CEP78: variants seen among roughly 807,000 people sequenced by gnomAD.
CEP78 encodes centrosomal protein of 78 kDa.
Under a neutral mutation model 81.2 loss-of-function variants are expected in CEP78, and 76 were observed. That is an observed-to-expected ratio of 0.94 (90% CI 0.78 to 1.13). The LOEUF (loss-of-function observed/expected upper bound fraction) is 1.13, where lower values mean the gene tolerates loss of function less well. Among genes scored for constraint, CEP78 ranks in the 50% most tolerant of loss-of-function variants. CEP78 has a pLI of 0.00. For missense variants in CEP78, 918 were observed against 846.8 expected, an observed-to-expected ratio of 1.08 and a Z score of -1.04; for synonymous variants, 293 against 301.4, an observed-to-expected ratio of 0.97 and a Z score of 0.29.
At position 78,246,708 on chromosome 9, in the gene CEP78, C is replaced by G. The variant is rs1446772851; in HGVS notation, c.818C>G (p.Ala273Gly). 12 of 1,610,938 alleles carry G rather than the reference C, an allele frequency of 7.4e-6. No individual in the cohort carries two copies. The highest frequency in any genetic ancestry group is 1.0e-5 in the Non-Finnish European group (12 of 1,178,752). Residue 273 changes from alanine to glycine, a missense_variant, in exon 6 of 17, where the codon GCA becomes GGA. Coordinates refer to ENST00000643273, the MANE Select transcript of CEP78 (RefSeq NM_001330691.3). ...LQQCGLTNEGAKALLEALETN... is the reference protein window; with the variant it reads ...LQQCGLTNEGGKALLEALETN... ...CAGTGCGGCCTCACCAATGAAGGAGCAAAGGCTTTGCTAGAGGCCCTTGAA... is the reference window on the plus strand; with the variant it reads ...CAGTGCGGCCTCACCAATGAAGGAGGAAAGGCTTTGCTAGAGGCCCTTGAA...
intron 6 of CEP78, among the ~76,000 whole-genome samples, chr9:78,247,653 T>G (rs1244711220): frequency 6.6e-6 from 1 of 152,146 alleles, no homozygotes; most frequent in African/African-American, 2.4e-5. Flanking sequence ...ATCAGATGAC[T>G]TGGTGTGGAG....
Position 78,236,518 on chromosome 9 carries a change from G to A in CEP78, c.168G>A (p.Ala56=), listed in dbSNP as rs1563972844. ...ACCGCCTCCGCGGGGTGGACTGGGC[G>A]CCTCTGCTGAGCACCCTCAAGATCA... ...NADRLRGVDW[A]PLLSTLKINK... The change falls in exon 1 of 17, where the codon GCG becomes GCA. Residue 56 remains alanine (A), a synonymous_variant. Coordinates refer to ENST00000643273, the MANE Select transcript of CEP78 (RefSeq NM_001330691.3). The A allele has an allele frequency of 1.2e-6, 2 of 1,603,044 alleles. No homozygotes were observed. Among genetic ancestry groups the A allele is most frequent in the Admixed American group, 1.7e-5 (1 of 58,624 alleles).
In CEP78 at chr9:78,236,560, G is replaced by C; in HGVS notation, c.210G>C (p.Leu70Phe). 2.5e-6 allele frequency: 4 copies of C among 1,584,326 alleles called. No individual in the cohort carries two copies. The highest frequency in any genetic ancestry group is 3.4e-6 in the Non-Finnish European group (4 of 1,165,142). Residue 70 changes from leucine (L) to phenylalanine (F), a missense_variant, in exon 1 of 17, where the codon TTG becomes TTC. By Grantham distance (22) the Leu-to-Phe change is conservative. Transcript: ENST00000643273. Reference sequence around the variant, plus strand: ...TCAAGATCAATAAAGACCTGCCCTTGGTCTCCATCAAGAGCTTCTTCCAGC... The same window carrying C: ...TCAAGATCAATAAAGACCTGCCCTTCGTCTCCATCAAGAGCTTCTTCCAGC... ...STLKINKDLP[L>F]VSIKSFFQPW... is the part of the protein sequence containing the mutation.
chr9:78,256,346 C>T (rs767614297), intron 11 of CEP78, among the ~76,000 whole-genome samples: 1 of 152,112 alleles, frequency 6.6e-6, no homozygotes, highest in Non-Finnish European at 1.5e-5. Context: ...CTTCACTCTC[C>T]TGAAATGAGA....
chr9:78,247,537 C>T (rs977850302), intron 6 of CEP78, among the ~76,000 whole-genome samples: 1 of 152,182 alleles, frequency 6.6e-6, no homozygotes, highest in African/African-American at 2.4e-5. Context: ...GGGGCCTGAT[C>T]TTGTAAGGTT....
intron 11 of CEP78, among the ~76,000 whole-genome samples, chr9:78,257,999 T>C (rs1827118267): frequency 6.6e-6 from 1 of 152,242 alleles, no homozygotes; most frequent in Non-Finnish European, 1.5e-5. Flanking sequence ...CAGTAGGCAG[T>C]ATTAATTTAA....
rs186018268 is a variant in CEP78 at position 78,267,350 on chromosome 9, G to A, written c.2107+647G>A. 1.5e-4 allele frequency among the ~76,000 whole-genome samples: 23 copies of A among 152,310 alleles called. No homozygotes were observed. In the East Asian group the frequency reaches 4.4e-3, roughly 29 times the overall value. ...GTACGATGAATAGAAAGGGATGGGA[G>A]TGAATAAATGGAATAATTTTACCAT... On this transcript the variant is annotated intron_variant, in intron 16 of 16. Coordinates refer to ENST00000643273, the MANE Select transcript of CEP78 (RefSeq NM_001330691.3).
chr9:78,250,659 G>C (rs540511846), intron 8 of CEP78, among the ~76,000 whole-genome samples: 1 of 152,166 alleles, frequency 6.6e-6, no homozygotes, highest in South Asian at 2.1e-4. Flanking sequence ...GAATTGCTTG[G>C]ACCTGGGAGG....
rs1000793742 is a variant in CEP78, at chr9:78,264,227, T to C, written c.1536T>C (p.Asn512=). ...SEALHAQSLT[N]MILDDEGVLG... ...CCCTTCATGCACAGTCATTGACAAA[T>C]ATGATCCTGGATGATGAAGGTGTTT... The change falls in exon 13 of 17, where the codon AAT becomes AAC. Residue 512 remains asparagine, a synonymous_variant. Coordinates refer to ENST00000643273, the MANE Select transcript of CEP78 (RefSeq NM_001330691.3). 6.2e-7 allele frequency: 1 copy of C among 1,610,026 alleles called. No individual in the cohort carries two copies. The highest frequency in any genetic ancestry group is 8.5e-7 in the Non-Finnish European group (1 of 1,178,108).
chr9:78,270,899 C>T lies in CEP78; in HGVS notation c.*48C>T, dbSNP rs1473840065. On this transcript the variant is annotated 3_prime_UTR_variant, in exon 17 of 17. Transcript: ENST00000643273. ...TAAAAATAATAGCAGAGTTGGAAAA[C>T]CAGAAATTTGAACAGTGAAATTTCT... 1 of 660,256 alleles carries T rather than the reference C, an allele frequency of 1.5e-6. No individual in the cohort carries two copies. The highest frequency in any genetic ancestry group is 2.6e-5 in the Admixed American group (1 of 38,690). The allele number at this position is 660,256 out of a possible 1,614,324, so 40.9% of individuals were successfully genotyped here. A position where few individuals can be genotyped will look rare whatever the true frequency, so the allele number is the denominator to read the frequency against.
intron 11 of CEP78, among the ~76,000 whole-genome samples, chr9:78,256,217 C>T (rs1827016901): frequency 1.3e-5 from 2 of 152,170 alleles, no homozygotes; most frequent in South Asian, 4.1e-4. Flanking sequence ...AATCTAACTC[C>T]AGAAACAGCT....
chr9:78,262,877 T>C, intron 11 of CEP78, 30 bp from the exon 12 acceptor site: 2 of 1,315,376 alleles, frequency 1.5e-6, no homozygotes, highest in Non-Finnish European at 2.1e-6. Context: ...GGGAATTAAT[T>C]ATAATATTTA....
chr9:78,243,731 T>C (rs1043437381), intron 5 of CEP78, 95 bp downstream of exon 5: 10 of 915,844 alleles, frequency 1.1e-5, no homozygotes, highest in Non-Finnish European at 1.5e-5. Context: ...GAAGGTTTTT[T>C]AAAAAGCCTC....
At chr9:78,248,242 C>A in intron 6 of CEP78, 49 bp from the exon 7 acceptor site, 1 of 940,168 alleles carries the variant, frequency 1.1e-6, no homozygotes, top group East Asian at 2.6e-5. Flanking sequence ...TGGGAATAGC[C>A]ACTCATTGGG....
Position 78,240,087 on chromosome 9 carries a change from C to A in CEP78, c.318C>A (p.Phe106Leu), listed in dbSNP as rs372000838. The A allele has an allele frequency of 6.1e-5, 96 of 1,585,708 alleles. No individual in the cohort carries two copies. The highest frequency in any genetic ancestry group is 8.0e-5 in the Non-Finnish European group (94 of 1,173,590). ...CGATAAGATACAAAGATGTGACCTT[C>A]CAGTTGTGTAAAGCTCTTAAAGGCT... is the stretch of plus-strand genomic sequence containing the variant. ...VPAIRYKDVT[F>L]QLCKALKGCL... is the part of the protein sequence containing the mutation. Residue 106 changes from phenylalanine (F) to leucine (L), a missense_variant, in exon 2 of 17, where the codon TTC (phenylalanine) becomes TTA (leucine). By Grantham distance (22) the Phe-to-Leu change is conservative. Transcript: ENST00000643273.
intron 5 of CEP78, among the ~76,000 whole-genome samples, chr9:78,245,312 C>T (rs967326998): frequency 2.0e-5 from 3 of 152,076 alleles, no homozygotes; most frequent in African/African-American, 7.2e-5. Context: ...ATCCAGATGC[C>T]AGTAGATAGG....
chr9:78,239,095 C>T (rs755924520), intron 1 of CEP78, among the ~76,000 whole-genome samples: 39 of 151,850 alleles, frequency 2.6e-4, no homozygotes, highest in Non-Finnish European at 5.3e-4. Flanking sequence ...TAATATTTTG[C>T]ACTGAATGTA....
intron 16 of CEP78, chr9:78,266,918 C>G: frequency 7.0e-7 from 1 of 1,427,902 alleles, no homozygotes; most frequent in South Asian, 1.6e-5. Flanking sequence ...AAAGTAAATC[C>G]AGTCCACTAG....
At position 78,253,218 on chromosome 9, in the gene CEP78, C is replaced by T. The variant is rs536145722; in HGVS notation, c.1206-14C>T. On this transcript the variant is annotated splice_polypyrimidine_tract_variant and intron_variant, in intron 9 of 16. Transcript: ENST00000643273. Reference sequence around the variant, plus strand: ...TACATCAAAATATAACTTAATTTATCGATATCTTTTTAGGGGTTTCCCATT... The same window carrying T: ...TACATCAAAATATAACTTAATTTATTGATATCTTTTTAGGGGTTTCCCATT... The T allele has an allele frequency of 5.2e-6, 6 of 1,158,710 alleles. No homozygotes were observed. Among genetic ancestry groups the T allele is most frequent in the South Asian group, 2.6e-5 (2 of 76,694 alleles). 71.8% of individuals were successfully genotyped at this position (1,158,710 alleles called of 1,614,324 possible).
Sources: allele counts gnomAD v4.1 joint callset (sites outside exome capture counted in the v4.1 genomes callset), GRCh38; gene constraint gnomAD v4.1.1; transcripts MANE v1.5; gene names NCBI Gene and HGNC (gene_info 2026-07-23, HGNC 2026-07-21).